The following TJP3 variants were observed in gnomAD, a reference collection of about 807,000 sequenced individuals.
The protein encoded by TJP3 is tight junction protein 3, also known as tight junction protein ZO-3.
TJP3 carries 85 observed loss-of-function variants against 104.2 expected under a neutral mutation model. The ratio of observed to expected loss-of-function variants is 0.82; its 90% CI spans 0.68 to 0.98. TJP3 has a LOEUF of 0.98. TJP3 is among the 50% of genes least tolerant of loss of function. The pLI is 0.00. For missense variants in TJP3, 1,367 were observed against 1,322.8 expected (o/e 1.03, Z -0.52); for synonymous variants, 550 against 550.6 (o/e 1.00, Z 0.02).
At position 3,730,695 on chromosome 19, in the gene TJP3, G is replaced by C. The variant is rs768555234; in HGVS notation, c.602G>C (p.Arg201Thr). The C allele has an allele frequency of 3.7e-6, 6 of 1,607,390 alleles. No homozygotes were observed. In the South Asian group the frequency reaches 6.6e-5, roughly 18 times the overall value. ...KPVKSVLVKR[R>T]DSEEFGVKLG... is the part of the protein sequence containing the mutation. ...GTGAAGTCAGTGCTGGTGAAGAGGA[G>C]AGACAGCGAAGGTCAGAAGAGGCGG... Residue 201 changes from arginine to threonine, a missense_variant, in exon 5 of 21, where the codon AGA becomes ACA. Physicochemically the swap from Arg to Thr is moderately conservative, Grantham distance 71. Coordinates refer to ENST00000541714, the MANE Select transcript of TJP3 (RefSeq NM_001267560.2). This position sits in a 1 kb window ranked among gnomAD's most constrained non-coding sequence, Gnocchi z 7.3.
At chr19:3,749,131 G>A (rs1393813901) in intron 19 of TJP3, among the ~76,000 whole-genome samples, 1 of 151,710 alleles carries the variant, frequency 6.6e-6, no homozygotes. Context: ...GCCTCTCAGA[G>A]TGTTGGGATT....
rs533223823 is a variant in TJP3 at position 3,720,069 on chromosome 19, A to T, written c.-9-8355A>T. ...CTCTACGCCCCTTTTAATCCTCCTG[A>T]CAACCCTGTGATGTAGGGGCTATTA... On this transcript the variant is annotated intron_variant, in intron 1 of 20. Transcript: ENST00000541714. Among the ~76,000 whole-genome samples, 33 of 152,252 alleles carry T rather than the reference A, an allele frequency of 2.2e-4. No individual in the cohort carries two copies. The South Asian group carries it at 5.6e-3, about 26-fold the overall frequency.
intron 18 of TJP3, among the ~76,000 whole-genome samples, 183 bp from the exon 19 acceptor site, chr19:3,747,611 C>T (rs903807040): frequency 2.0e-5 from 3 of 152,212 alleles, no homozygotes; most frequent in African/African-American, 4.8e-5. Flanking sequence ...GGGGCTGAGC[C>T]TCTCAGGTGA....
intron 14 of TJP3, 66 bp from the exon 15 acceptor site, chr19:3,743,873 C>A: frequency 6.8e-7 from 1 of 1,469,520 alleles, no homozygotes; most frequent in African/African-American, 1.4e-5. Flanking sequence ...GGGGTTTGTA[C>A]AACACACTAG....
intron 1 of TJP3, among the ~76,000 whole-genome samples, chr19:3,724,113 G>A (rs554970223): frequency 1.2e-4 from 18 of 152,180 alleles, no homozygotes; most frequent in South Asian, 4.1e-4. Context: ...AGACGAACCC[G>A]CACAAGCTGG....
intron 14 of TJP3, among the ~76,000 whole-genome samples, chr19:3,741,086 T>C (rs1005925707): frequency 6.6e-6 from 1 of 152,056 alleles, no homozygotes; most frequent in African/African-American, 2.4e-5. Context: ...CTGCAACCCC[T>C]GCCTCCCTGA....
At chr19:3,724,482 A>G (rs994725822) in intron 1 of TJP3, among the ~76,000 whole-genome samples, 3 of 152,150 alleles carry the variant, frequency 2.0e-5, no homozygotes, top group Non-Finnish European at 4.4e-5. Context: ...GGCATGAGCC[A>G]CTGTGCCCGG....
rs201489712 is a variant in TJP3 at position 3,730,533 on chromosome 19, G to A, written c.440G>A (p.Arg147His). The change falls in exon 5 of 21, where the codon CGC (arginine) becomes CAC (histidine). Residue 147 changes from arginine (R) to histidine (H), a missense_variant. Physicochemically the swap from Arg to His is conservative, Grantham distance 29 (BLOSUM62 0). Transcript: ENST00000541714. The surrounding 1 kb of genome is among the most constrained non-coding windows in gnomAD (Gnocchi z 7.3). ...GSGRSWDERSRRPRPGRRGRA... is the reference protein window; with the variant it reads ...GSGRSWDERSHRPRPGRRGRA... The stretch of plus-strand genomic sequence containing the variant: ...GGCCGCTCCTGGGACGAGCGCTCCC[G>A]CCGGCCGAGGCCTGGTCGCCGGGGC... 5.0e-5 allele frequency: 80 copies of A among 1,597,302 alleles called. 2 individuals are homozygous for A. In the South Asian group the frequency reaches 7.0e-4, roughly 14 times the overall value.
In TJP3 at chr19:3,733,894, G is replaced by A. The variant is rs772065188; in HGVS notation, c.859G>A (p.Asp287Asn). ...VNIPPAVSDS[D>N]SSPLEDISDL... ...CATTCCGCCTGCTGTCAGTGACAGC[G>A]ACAGCTCGCCATTGGAGGGTGAGGA... Residue 287 changes from aspartate (D) to asparagine (N), a missense_variant, in exon 7 of 21, where the codon GAC becomes AAC. Transcript: ENST00000541714. 24 of 1,613,962 alleles carry A rather than the reference G, an allele frequency of 1.5e-5. No homozygotes were observed. The highest frequency in any genetic ancestry group is 2.0e-5 in the Non-Finnish European group (24 of 1,179,966).
intron 1 of TJP3, among the ~76,000 whole-genome samples, chr19:3,724,339 G>T (rs1466660308): frequency 6.6e-6 from 1 of 152,056 alleles, no homozygotes; most frequent in Non-Finnish European, 1.5e-5. Context: ...GGGACTACAG[G>T]CGCCGGCCAC....
chr19:3,737,527 A>T (rs2036752852), intron 11 of TJP3, among the ~76,000 whole-genome samples: 1 of 151,968 alleles, frequency 6.6e-6, no homozygotes, highest in Non-Finnish European at 1.5e-5. Flanking sequence ...TCCAGGATCC[A>T]CAGCCCCTCA....
chr19:3,723,572 A>G (rs918902889), intron 1 of TJP3, among the ~76,000 whole-genome samples: 3 of 151,946 alleles, frequency 2.0e-5, no homozygotes, highest in African/African-American at 7.3e-5. Context: ...GAGGTGGATC[A>G]CCTGAGGTCA....
rs144987329 is a variant in TJP3 at position 3,737,641 on chromosome 19, A to T, written c.1285-914A>T. Among the ~76,000 whole-genome samples, 467 of 151,936 alleles carry T rather than the reference A, an allele frequency of 3.1e-3. 2 individuals are homozygous for T. The highest frequency in any genetic ancestry group is 9.9e-3 in the African/African-American group (411 of 41,392). On this transcript the variant is annotated intron_variant, in intron 11 of 20. Coordinates refer to ENST00000541714, the MANE Select transcript of TJP3 (RefSeq NM_001267560.2). ...GTCTCACCCCCACTTTGCTCTCATGACCTTGCTTGTGTCTTGACCTTGCAG... is the reference window on the plus strand; with the variant it reads ...GTCTCACCCCCACTTTGCTCTCATGTCCTTGCTTGTGTCTTGACCTTGCAG...
At chr19:3,729,651 G>A (rs972501720) in intron 3 of TJP3, among the ~76,000 whole-genome samples, 5 of 151,870 alleles carry the variant, frequency 3.3e-5, no homozygotes, top group African/African-American at 9.7e-5. Context: ...GTGTGGTGGC[G>A]GGCACCTGTA....
At position 3,746,800 on chromosome 19, in the gene TJP3, G is replaced by A. The variant is rs146296894; in HGVS notation, c.2246G>A (p.Ser749Asn). 5.8e-4 allele frequency: 933 copies of A among 1,611,114 alleles called. No individual in the cohort carries two copies. Among genetic ancestry groups the A allele is most frequent in the Non-Finnish European group, 7.4e-4 (871 of 1,178,810 alleles). The change falls in exon 18 of 21, where the codon AGT (serine) becomes AAT (asparagine). Residue 749 changes from serine to asparagine, a missense_variant. By Grantham distance (46) the Ser-to-Asn change is conservative (BLOSUM62 1). Transcript: ENST00000541714. This position sits in a 1 kb window ranked among gnomAD's most constrained non-coding sequence, Gnocchi z 4.1. Reference protein sequence around the residue: ...FTATIPLNGTSDTWYQELKAI... With the variant: ...FTATIPLNGTNDTWYQELKAI... Reference sequence around the variant, plus strand: ...GCCACCATCCCTCTGAATGGCACGAGTGACACCTGGTACCAGGAGCTCAAG... The same window carrying A: ...GCCACCATCCCTCTGAATGGCACGAATGACACCTGGTACCAGGAGCTCAAG...
Position 3,730,470 on chromosome 19 carries a change from AGGGCC to A in TJP3, c.381_385del (p.Arg128LeufsTer2). ...CCCCAGCGGGTGGAGGAGGTGGACC[AGGGCC>A]GGGGCTATGACGGCGACTCATCCAG... On this transcript the variant is annotated frameshift_variant, in exon 5 of 21. Coordinates refer to ENST00000541714, the MANE Select transcript of TJP3 (RefSeq NM_001267560.2). LOFTEE classifies it high-confidence loss of function. The surrounding 1 kb of genome is among the most constrained non-coding windows in gnomAD (Gnocchi z 7.3). The A allele has an allele frequency of 6.3e-7, 1 of 1,584,514 alleles. No individual in the cohort carries two copies. Among genetic ancestry groups the A allele is most frequent in the Non-Finnish European group, 8.6e-7 (1 of 1,165,840 alleles).
rs757569768 is a variant in TJP3, at chr19:3,746,115, G to T, written c.2010+34G>T. ...GGTCCTGCTACGGGTCCCATTTCAT[G>T]GATGGGGGAAACCGAGGCCTGGGCA... On this transcript the variant is annotated intron_variant, in intron 16 of 20. Coordinates refer to ENST00000541714, the MANE Select transcript of TJP3 (RefSeq NM_001267560.2). This position sits in a 1 kb window ranked among gnomAD's most constrained non-coding sequence, Gnocchi z 4.1. 2 of 1,578,906 alleles carry T rather than the reference G, an allele frequency of 1.3e-6. No individual in the cohort carries two copies. Among genetic ancestry groups the T allele is most frequent in the East Asian group, 4.6e-5 (2 of 43,792 alleles).
At position 3,746,450 on chromosome 19, in the gene TJP3, T is replaced by A. The variant is rs774751239; in HGVS notation, c.2011-35T>A. On this transcript the variant is annotated intron_variant, in intron 16 of 20. Transcript: ENST00000541714. The surrounding 1 kb of genome is among the most constrained non-coding windows in gnomAD (Gnocchi z 4.1). Reference sequence around the variant, plus strand: ...TCTCTCTCTGTTTACCCTGCTGCAATCCCCCTCACCCCAACGTCCGCCGGC... The same window carrying A: ...TCTCTCTCTGTTTACCCTGCTGCAAACCCCCTCACCCCAACGTCCGCCGGC... 1.2e-6 allele frequency: 2 copies of A among 1,606,102 alleles called. No individual in the cohort carries two copies.
At chr19:3,722,457 A>G (rs2036550656) in intron 1 of TJP3, among the ~76,000 whole-genome samples, 2 of 151,846 alleles carry the variant, frequency 1.3e-5, no homozygotes, top group Admixed American at 6.6e-5. Flanking sequence ...CACCTCCTAC[A>G]AGGCTGCACG....
Sources: allele counts gnomAD v4.1 joint callset (sites outside exome capture counted in the v4.1 genomes callset), GRCh38; gene constraint gnomAD v4.1.1; non-coding constraint Gnocchi (gnomAD v3.1); transcripts MANE v1.5; gene names NCBI Gene and HGNC (gene_info 2026-07-23, HGNC 2026-07-21).